Variants in PPP1R12A observed in about 807,000 individuals in gnomAD.
PPP1R12A encodes myosin binding subunit.
A neutral mutation model predicts 139.6 loss-of-function variants in PPP1R12A; 19 were observed. The observed-to-expected ratio is 0.14, with a 90% confidence interval of 0.09 to 0.20. The LOEUF (loss-of-function observed/expected upper bound fraction) is 0.20, where lower values mean the gene tolerates loss of function less well. Among genes scored for constraint, PPP1R12A ranks in the 10% least tolerant of loss-of-function variants. PPP1R12A has a pLI of 1.00. For synonymous variants in PPP1R12A, 427 were observed against 420.6 expected, an observed-to-expected ratio of 1.02 and a Z score of -0.19; for missense variants, 925 against 1,211.5, an observed-to-expected ratio of 0.76 and a Z score of 3.51.
chr12:79,903,740 T>G (rs1187395317), intron 1 of PPP1R12A, among the ~76,000 whole-genome samples: 2 of 152,200 alleles, frequency 1.3e-5, no homozygotes, highest in Non-Finnish European at 2.9e-5. Context: ...TTATCTATTT[T>G]GCTTATTACA....
intron 1 of PPP1R12A, among the ~76,000 whole-genome samples, chr12:79,914,624 C>G (rs1242150881): frequency 6.6e-6 from 1 of 151,950 alleles, no homozygotes; most frequent in African/African-American, 2.4e-5. Context: ...TACATGATTA[C>G]AGTTAGAGTA....
intron 9 of PPP1R12A, among the ~76,000 whole-genome samples, chr12:79,813,967 G>A (rs1874926554): frequency 6.6e-6 from 1 of 152,108 alleles, no homozygotes; most frequent in Non-Finnish European, 1.5e-5. Flanking sequence ...TATTAGAAGT[G>A]GAGTCATGAC....
At chr12:79,787,866 TTC>T (rs1871318979) in intron 21 of PPP1R12A, 3 of 152,246 alleles carry the variant, frequency 2.0e-5, no homozygotes, top group African/African-American at 7.2e-5. Flanking sequence ...GCTTTTCTAC[TTC>T]AAGTTAACTG....
At chr12:79,850,805 G>T (rs1010106007) in intron 2 of PPP1R12A, among the ~76,000 whole-genome samples, 1 of 152,046 alleles carries the variant, frequency 6.6e-6, no homozygotes, top group Non-Finnish European at 1.5e-5. Flanking sequence ...ATGGCTGTTT[G>T]AAAGTGTGGA....
intron 4 of PPP1R12A, among the ~76,000 whole-genome samples, chr12:79,829,122 T>C (rs913590462): frequency 1.3e-5 from 2 of 151,974 alleles, no homozygotes; most frequent in African/African-American, 4.8e-5. Context: ...ATGCAAAGAG[T>C]TGCATAAATT....
chr12:79,875,685 A>G (rs7967063), intron 1 of PPP1R12A, among the ~76,000 whole-genome samples: 96,277 of 152,134 alleles, frequency 0.63, 37,642 homozygotes, highest in Non-Finnish European at 0.88. Flanking sequence ...TACCCATTTA[A>G]ATGTATAAAA....
rs567149397 is a variant in PPP1R12A, at chr12:79,874,184, G to A, written c.238-1246C>T. On this transcript the variant is annotated intron_variant, in intron 1 of 24. Coordinates refer to ENST00000450142, the MANE Select transcript of PPP1R12A (RefSeq NM_002480.3). Reference sequence around the variant, plus strand: ...AGCTACTCGGGAGGCTGAGGCAGGAGAATTGCCTGAACCCAGGAGGCAGAC... The same window carrying A: ...AGCTACTCGGGAGGCTGAGGCAGGAAAATTGCCTGAACCCAGGAGGCAGAC... Among the ~76,000 whole-genome samples, 107 of 151,612 alleles carry A rather than the reference G, an allele frequency of 7.1e-4. No individual in the cohort carries two copies. In the Middle Eastern group the frequency reaches 0.01, roughly 15 times the overall value.
chr12:79,906,061 G>A (rs1482391597), intron 1 of PPP1R12A, among the ~76,000 whole-genome samples: 1 of 152,020 alleles, frequency 6.6e-6, no homozygotes, highest in Non-Finnish European at 1.5e-5. Flanking sequence ...AAAATCTTAT[G>A]CATCAAAATA....
intron 1 of PPP1R12A, among the ~76,000 whole-genome samples, chr12:79,894,793 A>G (rs984398130): frequency 6.6e-6 from 1 of 152,196 alleles, no homozygotes; most frequent in African/African-American, 2.4e-5. Context: ...TTACACAACA[A>G]TGTCCTTATA....
intron 9 of PPP1R12A, among the ~76,000 whole-genome samples, chr12:79,815,138 A>G (rs61951140): frequency 1.8e-3 from 269 of 152,304 alleles, no homozygotes; most frequent in Non-Finnish European, 3.3e-3. Flanking sequence ...ACATTGCCAT[A>G]AATGTTGGCT....
intron 9 of PPP1R12A, among the ~76,000 whole-genome samples, chr12:79,810,545 CAA>C (rs942336956): frequency 7.9e-5 from 12 of 151,958 alleles, no homozygotes; most frequent in African/African-American, 2.9e-4. Context: ...GGTAAAGAGA[CAA>C]AGATTGAAAG....
At chr12:79,858,419 T>C (rs902870891) in intron 2 of PPP1R12A, among the ~76,000 whole-genome samples, 4 of 152,250 alleles carry the variant, frequency 2.6e-5, no homozygotes, top group Non-Finnish European at 5.9e-5. Flanking sequence ...CTTATACACA[T>C]GATCTCATTT....
intron 1 of PPP1R12A, among the ~76,000 whole-genome samples, chr12:79,905,167 T>C (rs1885987358): frequency 6.6e-6 from 1 of 151,990 alleles, no homozygotes; most frequent in South Asian, 2.1e-4. Context: ...TCAAACAACT[T>C]TGTAAAGTCT....
At chr12:79,851,606 G>A (rs1392924755) in intron 2 of PPP1R12A, among the ~76,000 whole-genome samples, 2 of 152,264 alleles carry the variant, frequency 1.3e-5, no homozygotes, top group African/African-American at 2.4e-5. Context: ...ATGTCTTGGT[G>A]TGGACTGCTT....
chr12:79,849,698 C>A (rs973704640), intron 2 of PPP1R12A, among the ~76,000 whole-genome samples: 2 of 152,164 alleles, frequency 1.3e-5, no homozygotes, highest in African/African-American at 4.8e-5. Flanking sequence ...AAATGAACAA[C>A]CGTATTGAGT....
chr12:79,807,358 G>A (rs1402342663), intron 11 of PPP1R12A, 28 bp from the exon 12 acceptor site: 2 of 1,355,426 alleles, frequency 1.5e-6, no homozygotes, highest in Non-Finnish European at 2.1e-6. Context: ...TTCAGATTCT[G>A]GTACATAATT....
intron 3 of PPP1R12A, among the ~76,000 whole-genome samples, chr12:79,842,047 C>T (rs6539476): frequency 0.79 from 119,477 of 151,894 alleles, 49,463 homozygotes; most frequent in Non-Finnish European, 0.92. Flanking sequence ...TGGCTAGATG[C>T]GGTCGCTCAT....
chr12:79,793,826 A>G (rs1331407053), intron 19 of PPP1R12A, 37 bp downstream of exon 19: 1 of 1,457,412 alleles, frequency 6.9e-7, no homozygotes, highest in South Asian at 1.2e-5. Context: ...ATTAAAAAAT[A>G]TGAATACTTC....
intron 3 of PPP1R12A, among the ~76,000 whole-genome samples, chr12:79,840,690 G>T (rs1421360149): frequency 6.6e-6 from 1 of 152,106 alleles, no homozygotes; most frequent in Admixed American, 6.5e-5. Context: ...AGACAGCCTT[G>T]TTCTTCATTT....
Sources: allele counts gnomAD v4.1 joint callset (sites outside exome capture counted in the v4.1 genomes callset), GRCh38; gene constraint gnomAD v4.1.1; transcripts MANE v1.5; gene names NCBI Gene and HGNC (gene_info 2026-07-23, HGNC 2026-07-21).